The following WNK4 variants were observed in gnomAD, a reference collection of about 807,000 sequenced individuals.
WNK4 encodes the protein serine/threonine-protein kinase WNK4.
In WNK4, 94 loss-of-function variants were observed where a neutral mutation model predicts 116.2. The observed-to-expected ratio is 0.81, with a 90% CI of 0.68 to 0.96. The LOEUF is 0.96. Among genes scored for constraint, WNK4 ranks in the 40% least tolerant of loss-of-function variants. The pLI, the probability that WNK4 is intolerant of heterozygous loss-of-function variation, is 0.00. For missense variants in WNK4, 1,542 were observed against 1,650.6 expected (o/e 0.93, Z 1.14); for synonymous variants, 655 against 672.7 (o/e 0.97, Z 0.41).
chr17:42,790,645 A>G (rs2054598674), intron 11 of WNK4, among the ~76,000 whole-genome samples: 1 of 152,198 alleles, frequency 6.6e-6, no homozygotes, highest in African/African-American at 2.4e-5. Context: ...CGAAGGACAC[A>G]GAGACAAAGC....
At chr17:42,788,100 C>T in intron 8 of WNK4, 30 bp from the exon 9 acceptor site, 1 of 1,613,714 alleles carries the variant, frequency 6.2e-7, no homozygotes, top group South Asian at 1.1e-5. Flanking sequence ...TTATCTTCCC[C>T]TGACCTCATG....
At chr17:42,781,387 G>A (rs2054482242) in intron 1 of WNK4, 71 bp downstream of exon 1, 5 of 1,600,178 alleles carry the variant, frequency 3.1e-6, no homozygotes, top group Admixed American at 1.7e-5. Context: ...CAGACAGAGG[G>A]TGGGGGAGAC....
At chr17:42,786,912 TGAG>T (rs1167260832) in intron 6 of WNK4, among the ~76,000 whole-genome samples, 1 of 152,200 alleles carries the variant, frequency 6.6e-6, no homozygotes, top group African/African-American at 2.4e-5. Flanking sequence ...TGTAGGATGT[TGAG>T]AAGAACCCCT....
chr17:42,792,230 A>G (rs1247327194), intron 11 of WNK4, among the ~76,000 whole-genome samples: 2 of 152,244 alleles, frequency 1.3e-5, no homozygotes, highest in Non-Finnish European at 2.9e-5. Context: ...AGTGTAATGT[A>G]GAAGTGTCCA....
Position 42,794,932 on chromosome 17 carries a change from T to G in WNK4, c.2511T>G (p.His837Gln), listed in dbSNP as rs771549202. 9.5e-6 allele frequency: 15 copies of G among 1,577,042 alleles called. No individual in the cohort carries two copies. The highest frequency in any genetic ancestry group is 1.3e-5 in the Non-Finnish European group (15 of 1,159,038). The change falls in exon 14 of 19, where the codon CAT becomes CAG. Residue 837 changes from histidine to glutamine, a missense_variant. Coordinates refer to ENST00000246914, the MANE Select transcript of WNK4 (RefSeq NM_032387.5). ...PIFPITSPPC[H>Q]PSPSPFSPIS... is the part of the protein sequence containing the mutation. Reference sequence around the variant, plus strand: ...TCCCCATCACTTCTCCCCCATGTCATCCCAGCCCCTCCCCATTCTCCCCCA... The same window carrying G: ...TCCCCATCACTTCTCCCCCATGTCAGCCCAGCCCCTCCCCATTCTCCCCCA...
At chr17:42,787,739 T>C (rs372404619) in intron 7 of WNK4, 39 bp from the exon 8 acceptor site, 2 of 1,607,806 alleles carry the variant, frequency 1.2e-6, no homozygotes, top group Non-Finnish European at 1.7e-6. Context: ...CTATTCCCTT[T>C]TATTTCCCCT....
chr17:42,794,470 C>A, intron 12 of WNK4, 144 bp from the exon 13 acceptor site: 1 of 863,804 alleles, frequency 1.2e-6, no homozygotes, highest in Non-Finnish European at 1.9e-6. Flanking sequence ...CTATACATTT[C>A]AGCACATATG....
At chr17:42,791,234 A>G (rs1457408674) in intron 11 of WNK4, among the ~76,000 whole-genome samples, 4 of 152,168 alleles carry the variant, frequency 2.6e-5, no homozygotes, top group Non-Finnish European at 5.9e-5. Context: ...TGATCTCTTG[A>G]TATTCACCCG....
chr17:42,794,676 C>T lies in WNK4; in HGVS notation c.2350+8C>T. On this transcript the variant is annotated splice_region_variant and intron_variant, in intron 13 of 18. Coordinates refer to ENST00000246914, the MANE Select transcript of WNK4 (RefSeq NM_032387.5). ...TCCCAGACCCATCCAATGGTATGTACTGAGTTGTGTCCTTGCTCATCCCAA... is the reference window on the plus strand; with the variant it reads ...TCCCAGACCCATCCAATGGTATGTATTGAGTTGTGTCCTTGCTCATCCCAA... 6.2e-7 allele frequency: 1 copy of T among 1,613,918 alleles called. No homozygotes were observed. Among genetic ancestry groups the T allele is most frequent in the Non-Finnish European group, 8.5e-7 (1 of 1,179,944 alleles).
Position 42,785,392 on chromosome 17 carries a change from G to A in WNK4, c.1386G>A (p.Ala462=). 2 of 1,588,452 alleles carry A rather than the reference G, an allele frequency of 1.3e-6. No individual in the cohort carries two copies. The highest frequency in any genetic ancestry group is 1.7e-6 in the Non-Finnish European group (2 of 1,167,438). Residue 462 remains alanine (A), a synonymous_variant, in exon 6 of 19, where the codon GCG becomes GCA. Coordinates refer to ENST00000246914, the MANE Select transcript of WNK4 (RefSeq NM_032387.5). ...GLKLWLRMED[A]RRGGRPRDNQ... ...AGCTCTGGCTGCGCATGGAGGACGC[G>A]CGGCGCGGGGGGCGCCCACGGGACA... is the stretch of plus-strand genomic sequence containing the variant.
rs2144011312 is a variant in WNK4, at chr17:42,784,213, A to C, written c.1012+56A>C. On this transcript the variant is annotated intron_variant, in intron 3 of 18. Transcript: ENST00000246914. The surrounding 1 kb of genome is among the most constrained non-coding windows in gnomAD (Gnocchi z 4.4). ...CCTTCCTCCCCCACCTCAGAAGAGA[A>C]CCTGGGGACTCCCTCCCCTCAGCAA... 2 of 1,596,506 alleles carry C rather than the reference A, an allele frequency of 1.3e-6. No homozygotes were observed. Among genetic ancestry groups the C allele is most frequent in the East Asian group, 4.5e-5 (2 of 44,828 alleles).
At chr17:42,789,382 C>T (rs570952389) in intron 11 of WNK4, among the ~76,000 whole-genome samples, 4 of 152,178 alleles carry the variant, frequency 2.6e-5, no homozygotes, top group South Asian at 4.2e-4. Flanking sequence ...AGAGGCCAGG[C>T]GTGGTGGCTC....
At chr17:42,783,524 CT>C in intron 2 of WNK4, 1 of 306,358 alleles carries the variant, frequency 3.3e-6, no homozygotes, top group African/African-American at 2.2e-5. Flanking sequence ...TTGTCACTGG[CT>C]TTTTCTGTGC....
chr17:42,781,494 G>T (rs992295914), intron 1 of WNK4, among the ~76,000 whole-genome samples, 178 bp downstream of exon 1: 1 of 152,236 alleles, frequency 6.6e-6, no homozygotes, highest in Non-Finnish European at 1.5e-5. Context: ...GCTGCAGAAG[G>T]AGAGATTGAG....
Position 42,780,751 on chromosome 17 carries a change from C to T in WNK4, c.53C>T (p.Ala18Val). The T allele has an allele frequency of 6.2e-7, 1 of 1,608,476 alleles. No individual in the cohort carries two copies. ...ACCGTCCTCATGTCCCAGACTGAGG[C>T]CGACCTGGCCCTGCGGCCCCCGCCT... ...ETTVLMSQTE[A>V]DLALRPPPPL... The change falls in exon 1 of 19, where the codon GCC (alanine) becomes GTC (valine). Residue 18 changes from alanine (A) to valine (V), a missense_variant. Physicochemically the swap from Ala to Val is moderately conservative, Grantham distance 64 (BLOSUM62 0). This residue lies in a region of WNK4 where 243 missense variants were observed against 217.8 expected (regional missense o/e 1.12). Transcript: ENST00000246914.
chr17:42,795,414 A>G (rs2054656104), intron 14 of WNK4, 32 bp downstream of exon 14: 1 of 1,613,904 alleles, frequency 6.2e-7, no homozygotes, highest in African/African-American at 1.3e-5. Flanking sequence ...ATGATTAGGG[A>G]GACTCCACTC....
At chr17:42,790,006 AAAAAAAACAAAAAC>A (rs1419259113) in intron 11 of WNK4, among the ~76,000 whole-genome samples, 1 of 151,952 alleles carries the variant, frequency 6.6e-6, no homozygotes, top group Non-Finnish European at 1.5e-5. Context: ...CTTTGTCTCA[AAAAAAAACAAAAAC>A]AAAAAAACAA....
At chr17:42,789,967 C>T (rs1156505237) in intron 11 of WNK4, among the ~76,000 whole-genome samples, 1 of 151,152 alleles carries the variant, frequency 6.6e-6, no homozygotes, top group Non-Finnish European at 1.5e-5. Context: ...GATCACGCCA[C>T]TGCACTCCAG....
At position 42,781,283 on chromosome 17, in the gene WNK4, C is replaced by A. The variant is rs2054480552; in HGVS notation, c.585C>A (p.Asp195Glu). Residue 195 changes from aspartate to glutamate, a missense_variant, in exon 1 of 19, where the codon GAC becomes GAA. Asp to Glu is a conservative substitution (Grantham distance 45). This residue lies in a region of WNK4 where 44 missense variants were observed against 77.7 expected (regional missense o/e 0.57). Coordinates refer to ENST00000246914, the MANE Select transcript of WNK4 (RefSeq NM_032387.5). ...CGGTGTATCGAGGGCTAGACACCGA[C>A]ACCACAGTGGAGGTGGCCTGGTGTG... ...FKTVYRGLDT[D>E]TTVEVAWCEL... 6.2e-7 allele frequency: 1 copy of A among 1,614,068 alleles called. No homozygotes were observed. The highest frequency in any genetic ancestry group is 8.5e-7 in the Non-Finnish European group (1 of 1,180,036).
Sources: allele counts gnomAD v4.1 joint callset (sites outside exome capture counted in the v4.1 genomes callset), GRCh38; gene constraint gnomAD v4.1.1; regional missense constraint gnomAD v4.1.1; non-coding constraint Gnocchi (gnomAD v3.1); transcripts MANE v1.5; gene names NCBI Gene and HGNC (gene_info 2026-07-23, HGNC 2026-07-21).